The following PCDHA7 variants were observed in gnomAD, a reference collection of about 807,000 sequenced individuals.
PCDHA7 encodes the protein protocadherin alpha-7.
A neutral mutation model predicts 57.2 loss-of-function variants in PCDHA7; 37 were observed. The observed-to-expected ratio is 0.65, with a 90% confidence interval of 0.50 to 0.85. PCDHA7 has a LOEUF of 0.85. Among genes scored for constraint, PCDHA7 ranks in the 40% least tolerant of loss-of-function variants. The pLI is 0.00. For missense variants in PCDHA7, 1,188 were observed against 1,241.8 expected (o/e 0.96, Z 0.65); for synonymous variants, 553 against 558.8 (o/e 0.99, Z 0.15).
chr5:140,868,999 T>A (rs976594778), intron 1 of PCDHA7: 72 of 1,518,578 alleles, frequency 4.7e-5, no homozygotes, highest in African/African-American at 4.5e-4. Flanking sequence ...CGTTTAAGGA[T>A]CCTTTGAAAC....
chr5:140,853,378 T>G, intron 1 of PCDHA7: 1 of 985,390 alleles, frequency 1.0e-6, no homozygotes, highest in Non-Finnish European at 1.2e-6. Context: ...ATGGTAAAAT[T>G]CAAAACAGCC....
intron 1 of PCDHA7, among the ~76,000 whole-genome samples, chr5:140,902,203 C>CTT (rs148688132): frequency 1.7e-4 from 21 of 124,438 alleles, no homozygotes; most frequent in East Asian, 4.4e-4. Context: ...CTCTCTCTTT[C>CTT]TTTTTTTTTT....
intron 1 of PCDHA7, among the ~76,000 whole-genome samples, chr5:140,950,995 C>T (rs1554219713): frequency 6.6e-6 from 1 of 151,856 alleles, no homozygotes; most frequent in Non-Finnish European, 1.5e-5. Flanking sequence ...TCTTTTAGCT[C>T]CATTTTTCCC....
intron 1 of PCDHA7, among the ~76,000 whole-genome samples, chr5:140,960,522 T>C (rs1261145307): frequency 6.6e-6 from 1 of 152,090 alleles, no homozygotes; most frequent in African/African-American, 2.4e-5. Flanking sequence ...ATAATGGGTA[T>C]AGGAAAGAGA....
chr5:140,884,012 C>T, intron 1 of PCDHA7: 1 of 1,613,134 alleles, frequency 6.2e-7, no homozygotes, highest in Non-Finnish European at 8.5e-7. Context: ...CGAGCTGATG[C>T]CGCGGTCGGT....
intron 1 of PCDHA7, chr5:140,882,667 C>T (rs576133039): frequency 1.2e-6 from 2 of 1,614,160 alleles, no homozygotes; most frequent in Non-Finnish European, 1.7e-6. Flanking sequence ...CGCCCATATT[C>T]CCTGAAAGCA....
At chr5:140,927,729 G>C (rs2084563367) in intron 1 of PCDHA7, 1 of 1,614,098 alleles carries the variant, frequency 6.2e-7, no homozygotes, top group South Asian at 1.1e-5. Context: ...CGCAAGCAGA[G>C]CTGCGACACC....
chr5:140,996,141 A>G (rs1238682290), intron 3 of PCDHA7, among the ~76,000 whole-genome samples: 1 of 152,182 alleles, frequency 6.6e-6, no homozygotes, highest in Admixed American at 6.5e-5. Context: ...TTCTCCCATT[A>G]TCTTGCCTTC....
intron 1 of PCDHA7, chr5:140,882,896 T>G (rs1554176010): frequency 6.2e-7 from 1 of 1,614,212 alleles, no homozygotes. Flanking sequence ...GGAACATAGT[T>G]TATTACTGAC....
chr5:140,893,195 C>T (rs1445634918), intron 1 of PCDHA7, among the ~76,000 whole-genome samples: 2 of 152,164 alleles, frequency 1.3e-5, no homozygotes, highest in Admixed American at 1.3e-4. Context: ...GTGAATAGTG[C>T]TGCAGTAAGT....
chr5:140,966,986 C>G (rs1364396774), intron 1 of PCDHA7: 1 of 1,603,766 alleles, frequency 6.2e-7, no homozygotes, highest in African/African-American at 1.3e-5. Flanking sequence ...GCGCTTGGGG[C>G]CGGGTTGCTT....
chr5:140,878,784 C>T (rs2057723762), intron 1 of PCDHA7, among the ~76,000 whole-genome samples: 1 of 152,156 alleles, frequency 6.6e-6, no homozygotes, highest in Non-Finnish European at 1.5e-5. Flanking sequence ...AGTATATGTT[C>T]AATCACTTTT....
intron 1 of PCDHA7, among the ~76,000 whole-genome samples, chr5:140,914,392 AC>A (rs1554196309): frequency 6.6e-6 from 1 of 151,928 alleles, no homozygotes; most frequent in Non-Finnish European, 1.5e-5. Flanking sequence ...AAGTGTAGTT[AC>A]CCCTGCTCCT....
At chr5:140,863,295 C>G in intron 1 of PCDHA7, 1 of 1,463,648 alleles carries the variant, frequency 6.8e-7, no homozygotes, top group South Asian at 1.1e-5. Context: ...TGTACCTGAT[C>G]ATCGCCATCT....
intron 1 of PCDHA7, among the ~76,000 whole-genome samples, chr5:140,893,446 A>C (rs1305001651): frequency 6.6e-6 from 1 of 152,132 alleles, no homozygotes; most frequent in Non-Finnish European, 1.5e-5. Flanking sequence ...TGAAGCCAGG[A>C]GTTCAAGACC....
At chr5:140,855,950 C>G (rs1468443604) in intron 1 of PCDHA7, 1 of 1,363,922 alleles carries the variant, frequency 7.3e-7, no homozygotes, top group Non-Finnish European at 1.0e-6. Flanking sequence ...TCAGCCATTT[C>G]GATAAAAAAT....
chr5:140,888,324 T>C (rs1191192546), intron 1 of PCDHA7, among the ~76,000 whole-genome samples: 1 of 152,152 alleles, frequency 6.6e-6, no homozygotes, highest in East Asian at 1.9e-4. Flanking sequence ...CCTGGATACA[T>C]TTTTGGTTAT....
At chr5:140,865,692 T>C (rs2048967146) in intron 1 of PCDHA7, 1 of 152,212 alleles carries the variant, frequency 6.6e-6, no homozygotes, top group Non-Finnish European at 1.5e-5. Context: ...ATATGACTGT[T>C]CCAATTTGAA....
intron 1 of PCDHA7, chr5:140,862,120 A>G (rs898970647): frequency 2.5e-5 from 4 of 161,592 alleles, no homozygotes; most frequent in African/African-American, 7.2e-5. Flanking sequence ...GGATAAATAA[A>G]TGTAAAGATA....
Sources: allele counts gnomAD v4.1 joint callset (sites outside exome capture counted in the v4.1 genomes callset), GRCh38; gene constraint gnomAD v4.1.1; transcripts MANE v1.5; gene names NCBI Gene and HGNC (gene_info 2026-07-23, HGNC 2026-07-21).